Variants in PCNX2 observed in about 807,000 individuals in gnomAD.
PCNX2 encodes the protein pecanex 2.
A neutral mutation model predicts 223.8 loss-of-function variants in PCNX2; 168 were observed. That is an observed-to-expected ratio of 0.75 (90% CI 0.66 to 0.85). The LOEUF (loss-of-function observed/expected upper bound fraction) is 0.85, where lower values mean the gene tolerates loss of function less well. Among genes scored for constraint, PCNX2 ranks in the 40% least tolerant of loss-of-function variants. The pLI, the probability that PCNX2 is intolerant of heterozygous loss-of-function variation, is 0.00. For missense variants in PCNX2, 2,507 were observed against 2,675.5 expected, an observed-to-expected ratio of 0.94 and a Z score of 1.39; for synonymous variants, 1,006 against 1,052.6, an observed-to-expected ratio of 0.96 and a Z score of 0.86.
chr1:233,217,718 T>C (rs1004278231), intron 12 of PCNX2, among the ~76,000 whole-genome samples, 181 bp downstream of exon 12: 3 of 152,128 alleles, frequency 2.0e-5, no homozygotes, highest in African/African-American at 7.2e-5. Context: ...CACACCATGC[T>C]CTCAGACTTA....
intron 23 of PCNX2, among the ~76,000 whole-genome samples, chr1:233,069,942 T>C (rs1207769480): frequency 1.3e-5 from 2 of 152,104 alleles, no homozygotes; most frequent in Non-Finnish European, 2.9e-5. Flanking sequence ...GCTGGTTCTT[T>C]GAGAATATCA....
intron 17 of PCNX2, 78 bp from the exon 18 acceptor site, chr1:233,161,441 C>G (rs1198033493): frequency 3.2e-6 from 4 of 1,237,094 alleles, no homozygotes; most frequent in Non-Finnish European, 4.7e-6. Flanking sequence ...AATCAAGCAG[C>G]AGGACATTGA....
the PCNX2 span, among the ~76,000 whole-genome samples, chr1:233,325,733 G>C: frequency 6.6e-6 from 1 of 152,134 alleles, no homozygotes; most frequent in Non-Finnish European, 1.5e-5. Context: ...GTAGTTTCTT[G>C]AGATGGAATC....
intron 28 of PCNX2, among the ~76,000 whole-genome samples, chr1:233,004,593 C>T (rs186635976): frequency 2.0e-5 from 3 of 152,056 alleles, no homozygotes; most frequent in Non-Finnish European, 4.4e-5. Context: ...ACAGGGCCGG[C>T]CTGGGACAGG....
intron 19 of PCNX2, among the ~76,000 whole-genome samples, chr1:233,152,738 C>T (rs950233102): frequency 6.6e-6 from 1 of 152,204 alleles, no homozygotes; most frequent in Non-Finnish European, 1.5e-5. Context: ...CAATGGGTGC[C>T]AGGCACCCAC....
chr1:233,243,504 C>T (rs4649213), intron 8 of PCNX2, among the ~76,000 whole-genome samples: 73,271 of 152,032 alleles, frequency 0.48, 19,612 homozygotes, highest in Admixed American at 0.6. Flanking sequence ...TATTAAAGGA[C>T]CTACTCTAAA....
chr1:233,257,991 A>G, intron 5 of PCNX2, 37 bp downstream of exon 5: 2 of 1,587,076 alleles, frequency 1.3e-6, no homozygotes, highest in South Asian at 1.1e-5. Context: ...ATTGCCTTCT[A>G]TGTCATCATC....
At chr1:233,319,112 T>C in the PCNX2 span, among the ~76,000 whole-genome samples, 1 of 152,270 alleles carries the variant, frequency 6.6e-6, no homozygotes, top group East Asian at 1.9e-4. Flanking sequence ...CTCGGGTTGC[T>C]ATCTCCTTAT....
At chr1:233,018,452 T>A (rs1020709008) in intron 26 of PCNX2, among the ~76,000 whole-genome samples, 4 of 152,214 alleles carry the variant, frequency 2.6e-5, no homozygotes, top group African/African-American at 9.6e-5. Context: ...TCCTTCTTAA[T>A]CAGACACTGT....
In PCNX2 at chr1:233,022,606, G is replaced by C. The variant is rs571305879; in HGVS notation, c.4605+2540C>G. ...TGTGTACACAAAACAGTGAGAGATG[G>C]GGGGGGAGTGGGAAACACAGCCAGT... On this transcript the variant is annotated intron_variant, in intron 26 of 33. Coordinates refer to ENST00000258229, the MANE Select transcript of PCNX2 (RefSeq NM_014801.4). 1.5e-4 allele frequency among the ~76,000 whole-genome samples: 19 copies of C among 124,164 alleles called. No homozygotes were observed. The East Asian group carries it at 3.3e-3, about 22-fold the overall frequency. 81.5% of individuals were successfully genotyped at this position (124,164 alleles called of 152,430 possible).
chr1:233,046,115 C>T (rs1238169917), intron 25 of PCNX2, among the ~76,000 whole-genome samples: 3 of 152,198 alleles, frequency 2.0e-5, no homozygotes, highest in Non-Finnish European at 4.4e-5. Context: ...CTTGCCTCCT[C>T]TCTGGAGTGT....
At chr1:233,099,107 A>G (rs937296164) in intron 21 of PCNX2, among the ~76,000 whole-genome samples, 8 of 152,236 alleles carry the variant, frequency 5.3e-5, no homozygotes, top group Non-Finnish European at 1.2e-4. Context: ...ACAGCAAGTT[A>G]CTGGCCCATC....
intron 15 of PCNX2, among the ~76,000 whole-genome samples, chr1:233,197,708 A>G (rs1680818675): frequency 6.6e-6 from 1 of 152,162 alleles, no homozygotes; most frequent in Admixed American, 6.5e-5. Flanking sequence ...GATTACTGTG[A>G]AATATTGAGA....
At chr1:233,092,885 G>A (rs1419322262) in intron 22 of PCNX2, among the ~76,000 whole-genome samples, 2 of 152,074 alleles carry the variant, frequency 1.3e-5, no homozygotes, top group Admixed American at 6.5e-5. Context: ...TGCAACCTCC[G>A]CCTCCCAGGT....
intron 1 of PCNX2, among the ~76,000 whole-genome samples, chr1:233,284,321 T>C (rs918715920): frequency 1.2e-4 from 19 of 152,276 alleles, no homozygotes; most frequent in Admixed American, 5.9e-4. Context: ...TCCCATATAT[T>C]CTTAAAGGGT....
At chr1:233,159,437 T>G (rs77861269) in intron 19 of PCNX2, among the ~76,000 whole-genome samples, 8,796 of 152,264 alleles carry the variant, frequency 0.058, 501 homozygotes, top group East Asian at 0.31. Context: ...TGCCCCTCAC[T>G]TATCTTTATG....
At chr1:233,141,699 G>A (rs1407013174) in intron 19 of PCNX2, among the ~76,000 whole-genome samples, 2 of 105,808 alleles carry the variant, frequency 1.9e-5, no homozygotes, top group African/African-American at 5.6e-5. Context: ...ATATATATAT[G>A]TGTGTGTATA....
chr1:233,110,817 A>G (rs1675069871), intron 21 of PCNX2, among the ~76,000 whole-genome samples: 1 of 150,316 alleles, frequency 6.7e-6, no homozygotes, highest in Non-Finnish European at 1.5e-5. Context: ...AATATTATTT[A>G]AATTTAATAT....
intron 25 of PCNX2, among the ~76,000 whole-genome samples, chr1:233,046,190 C>T (rs1346879108): frequency 6.6e-6 from 1 of 152,178 alleles, no homozygotes; most frequent in East Asian, 1.9e-4. Context: ...CCACTGATGG[C>T]TTCAGTAGAC....
Sources: allele counts gnomAD v4.1 joint callset (sites outside exome capture counted in the v4.1 genomes callset), GRCh38; gene constraint gnomAD v4.1.1; transcripts MANE v1.5; gene names NCBI Gene and HGNC (gene_info 2026-07-23, HGNC 2026-07-21).